ITGB6: variants seen among roughly 807,000 people sequenced by gnomAD.
ITGB6 encodes the protein integrin subunit beta 6, also known as integrin beta-6.
In ITGB6, 80 loss-of-function variants were observed where a neutral mutation model predicts 84.5. The ratio of observed to expected loss-of-function variants is 0.95; its 90% CI spans 0.79 to 1.14. The LOEUF is 1.14. Ranked by LOEUF, ITGB6 falls within the 50% of genes most tolerant of loss-of-function variation. The pLI, the probability that ITGB6 is intolerant of heterozygous loss-of-function variation, is 0.00. For synonymous variants in ITGB6, 383 were observed against 354.9 expected, an observed-to-expected ratio of 1.08 and a Z score of -0.89; for missense variants, 1,006 against 968.0, an observed-to-expected ratio of 1.04 and a Z score of -0.52.
rs191927625 is a variant in ITGB6, at chr2:160,175,853, C to T, written c.594-1714G>A. Among the ~76,000 whole-genome samples the T allele has an allele frequency of 3.1e-3, 468 of 152,288 alleles. 3 individuals carry two copies. The highest frequency in any genetic ancestry group is 5.0e-3 in the Non-Finnish European group (339 of 68,024). On this transcript the variant is annotated intron_variant, in intron 4 of 14. Transcript: ENST00000283249. ...TCACAGGAACCTAACCCTATATTTT[C>T]CTTGGGAGCAATGATTCAATATTCC... is the stretch of plus-strand genomic sequence containing the variant.
chr2:160,170,117 A>G (rs1296048332), intron 6 of ITGB6, among the ~76,000 whole-genome samples: 1 of 152,220 alleles, frequency 6.6e-6, no homozygotes, highest in Non-Finnish European at 1.5e-5. Flanking sequence ...AATTAAGAAT[A>G]TGTTAATTAT....
intron 10 of ITGB6, among the ~76,000 whole-genome samples, chr2:160,136,482 A>T (rs1683727917): frequency 6.6e-6 from 1 of 152,204 alleles, no homozygotes; most frequent in African/African-American, 2.4e-5. Context: ...CCATTGTGGA[A>T]GTCAGTGTGG....
intron 12 of ITGB6, among the ~76,000 whole-genome samples, chr2:160,122,605 C>T (rs960293550): frequency 2.0e-5 from 3 of 152,084 alleles, no homozygotes; most frequent in East Asian, 1.9e-4. Context: ...TCATGTATCT[C>T]GCCTTTGGTA....
chr2:160,101,380 G>T lies in ITGB6; in HGVS notation c.*356C>A. ...TATATGGGCTTTGTGACTTTGCCGA[G>T]ACAAAAAACTCAGGTAGCTGCATTC... On this transcript the variant is annotated 3_prime_UTR_variant, in exon 15 of 15. Coordinates refer to ENST00000283249, the MANE Select transcript of ITGB6 (RefSeq NM_000888.5). 4.0e-6 allele frequency: 1 copy of T among 252,996 alleles called. No individual in the cohort carries two copies. The allele number at this position is 252,996 out of a possible 1,614,324, so 15.7% of individuals were successfully genotyped here.
intron 7 of ITGB6, among the ~76,000 whole-genome samples, chr2:160,145,828 G>A (rs80336621): frequency 0.016 from 2,383 of 152,248 alleles, 28 homozygotes; most frequent in Non-Finnish European, 0.022. Context: ...GTGATATCCT[G>A]GCTTTCTGAC....
chr2:160,119,995 A>G (rs1357421724), intron 12 of ITGB6, among the ~76,000 whole-genome samples: 1 of 151,920 alleles, frequency 6.6e-6, no homozygotes, highest in Non-Finnish European at 1.5e-5. Flanking sequence ...TAGAATGGCA[A>G]TCATTAAAAA....
intron 10 of ITGB6, among the ~76,000 whole-genome samples, chr2:160,127,850 C>T (rs1306614445): frequency 6.6e-6 from 1 of 152,076 alleles, no homozygotes; most frequent in Non-Finnish European, 1.5e-5. Flanking sequence ...GCAAGACAGA[C>T]CTGGATTAAA....
intron 7 of ITGB6, among the ~76,000 whole-genome samples, chr2:160,163,138 C>A (rs1209503771): frequency 1.3e-5 from 2 of 152,100 alleles, no homozygotes; most frequent in African/African-American, 4.8e-5. Context: ...AAACAACCCA[C>A]GGGGCAGAAT....
intron 10 of ITGB6, among the ~76,000 whole-genome samples, chr2:160,132,626 C>T (rs1471789023): frequency 6.6e-6 from 1 of 152,018 alleles, no homozygotes; most frequent in Non-Finnish European, 1.5e-5. Flanking sequence ...TTAAATTCAG[C>T]ATTCAGTTAA....
chr2:160,190,744 A>C (rs1574144263), intron 4 of ITGB6, among the ~76,000 whole-genome samples: 1 of 152,204 alleles, frequency 6.6e-6, no homozygotes, highest in East Asian at 1.9e-4. Context: ...AGCCCGATTA[A>C]GGACAGGGTC....
chr2:160,171,888 T>C (rs1685219659), intron 6 of ITGB6, among the ~76,000 whole-genome samples: 1 of 152,122 alleles, frequency 6.6e-6, no homozygotes, highest in Non-Finnish European at 1.5e-5. Flanking sequence ...TTTTCAAGGA[T>C]AATGAAGAGT....
At chr2:160,118,462 C>T (rs539724576) in intron 12 of ITGB6, among the ~76,000 whole-genome samples, 200 of 152,268 alleles carry the variant, frequency 1.3e-3, no homozygotes, top group African/African-American at 4.6e-3. Context: ...CAAAATTCAA[C>T]AGTGCTTCAT....
intron 9 of ITGB6, 31 bp from the exon 10 acceptor site, chr2:160,137,882 C>A (rs1465484282): frequency 6.2e-7 from 1 of 1,600,830 alleles, no homozygotes; most frequent in African/African-American, 1.3e-5. Flanking sequence ...TATCTCCCTC[C>A]ATCCACCAAA....
At chr2:160,173,892 T>C in intron 5 of ITGB6, 82 bp downstream of exon 5, 1 of 1,215,608 alleles carries the variant, frequency 8.2e-7, no homozygotes. Context: ...GAAAGGAAAT[T>C]AGCTAATCTT....
chr2:160,154,653 T>C (rs1005914203), intron 7 of ITGB6, among the ~76,000 whole-genome samples: 1 of 152,078 alleles, frequency 6.6e-6, no homozygotes, highest in East Asian at 1.9e-4. Flanking sequence ...TTATTCATAA[T>C]TGGCAAAAGC....
chr2:160,111,724 T>G (rs372640475), intron 13 of ITGB6, among the ~76,000 whole-genome samples: 1 of 151,278 alleles, frequency 6.6e-6, no homozygotes, highest in Non-Finnish European at 1.5e-5. Context: ...GGATTATAGG[T>G]GCAGGCCACC....
intron 12 of ITGB6, among the ~76,000 whole-genome samples, chr2:160,112,930 G>T (rs940412067): frequency 6.6e-6 from 1 of 152,198 alleles, no homozygotes; most frequent in Non-Finnish European, 1.5e-5. Context: ...AATCTGAGAT[G>T]CCAGTACTAT....
Position 160,195,466 on chromosome 2 carries a change from A to G in ITGB6, c.496T>C (p.Leu166=), listed in dbSNP as rs746165366. Residue 166 remains leucine (L), a synonymous_variant, in exon 4 of 15, where the codon TTA becomes CTA. Transcript: ENST00000283249. The part of the protein sequence containing the change: ...GSRLSKEMSK[L]TSNFRLGFGS... ...AAGCCCAGTCTAAAGTTGCTGGTTA[A>G]TTTAGACATCTCTTTGGAAAGCCGG... 6.2e-7 allele frequency: 1 copy of G among 1,614,200 alleles called. No homozygotes were observed.
chr2:160,186,930 C>G (rs1373188954), intron 4 of ITGB6, among the ~76,000 whole-genome samples: 5 of 144,978 alleles, frequency 3.4e-5, no homozygotes, highest in South Asian at 2.2e-4. Context: ...CACATGGACA[C>G]AGGGAGGGGA....
Sources: gnomAD v4.1 joint callset for allele counts (sites outside exome capture counted in the v4.1 genomes callset) on GRCh38, gnomAD v4.1.1 for gene constraint, MANE v1.5 for transcripts, NCBI Gene and HGNC (gene_info 2026-07-23, HGNC 2026-07-21) for gene names.